GRID2: variants seen among roughly 807,000 people sequenced by gnomAD.
The protein encoded by GRID2 is glutamate receptor ionotropic, delta-2.
Under a neutral mutation model 114.8 loss-of-function variants are expected in GRID2, and 33 were observed. The ratio of observed to expected loss-of-function variants is 0.29; its 90% CI spans 0.22 to 0.38. The LOEUF (loss-of-function observed/expected upper bound fraction) is 0.38. Among genes scored for constraint, GRID2 ranks in the 10% least tolerant of loss-of-function variants. The probability of loss-of-function intolerance (pLI) is 1.00; values close to 1 mark genes in which losing one functional copy is unlikely to be tolerated. For missense variants in GRID2, 1,184 were observed against 1,257.7 expected (o/e 0.94, Z 0.89); for synonymous variants, 505 against 449.9 (o/e 1.12, Z -1.55).
rs1263548998 is a variant in GRID2 at position 93,680,517 on chromosome 4, CA to C, written c.2360+54087del. 1.3e-5 allele frequency among the ~76,000 whole-genome samples: 2 copies of C among 150,130 alleles called. 1 individual carries two copies. Among genetic ancestry groups the C allele is most frequent in the Non-Finnish European group, 3.0e-5 (2 of 67,662 alleles). On this transcript the variant is annotated intron_variant, in intron 14 of 15. Transcript: ENST00000282020. ...CCAATATCCTTGATGAACATTGATG[CA>C]AAAATCCTCAATAAAATACTGGCAA... is the stretch of plus-strand genomic sequence containing the variant.
intron 1 of GRID2, among the ~76,000 whole-genome samples, chr4:92,405,173 C>G (rs981254072): frequency 1.8e-4 from 27 of 152,136 alleles, no homozygotes; most frequent in African/African-American, 6.5e-4. Context: ...AGCAATTCGA[C>G]TTTGGTCTAG....
At chr4:92,555,968 C>T (rs887952779) in intron 1 of GRID2, among the ~76,000 whole-genome samples, 1 of 152,222 alleles carries the variant, frequency 6.6e-6, no homozygotes, top group East Asian at 1.9e-4. Context: ...TATACCTTTT[C>T]CCTGCCTCCT....
At chr4:92,461,213 T>A (rs772251569) in intron 1 of GRID2, among the ~76,000 whole-genome samples, 6 of 151,948 alleles carry the variant, frequency 3.9e-5, no homozygotes, top group Non-Finnish European at 7.4e-5. Flanking sequence ...CTTGTCAACT[T>A]TTATCGTAGG....
chr4:92,943,198 C>T (rs1266332668), intron 2 of GRID2, among the ~76,000 whole-genome samples: 2 of 152,174 alleles, frequency 1.3e-5, no homozygotes, highest in Non-Finnish European at 1.5e-5. Context: ...CTGTCACTTT[C>T]AGGTACACCA....
chr4:93,673,406 A>G (rs1289590211), intron 14 of GRID2, among the ~76,000 whole-genome samples: 6 of 152,230 alleles, frequency 3.9e-5, no homozygotes, highest in Non-Finnish European at 7.3e-5. Context: ...GTGCAAAATA[A>G]TGCAAAAAAG....
At chr4:93,799,901 G>A (rs1450217497) in intron 1 of GRID2, among the ~76,000 whole-genome samples, 1 of 152,142 alleles carries the variant, frequency 6.6e-6, no homozygotes, top group African/African-American at 2.4e-5. Flanking sequence ...ATAATTCTCA[G>A]TGAGACACTA....
At chr4:93,289,388 A>T (rs1753503152) in intron 8 of GRID2, among the ~76,000 whole-genome samples, 1 of 152,152 alleles carries the variant, frequency 6.6e-6, no homozygotes, top group Admixed American at 6.5e-5. Context: ...TACATCATAA[A>T]GCTGTTTATT....
chr4:93,178,011 TTCTC>T (rs929413404), intron 4 of GRID2, among the ~76,000 whole-genome samples: 3 of 152,178 alleles, frequency 2.0e-5, no homozygotes, highest in South Asian at 2.1e-4. Context: ...TACCTTTAAT[TTCTC>T]TCTCTTTGCT....
chr4:92,642,393 T>C (rs2149254491), intron 2 of GRID2, among the ~76,000 whole-genome samples: 1 of 152,050 alleles, frequency 6.6e-6, no homozygotes, highest in Non-Finnish European at 1.5e-5. Context: ...TAATTCGTGA[T>C]GATAAGCATT....
At chr4:92,711,527 A>G (rs941849545) in intron 2 of GRID2, among the ~76,000 whole-genome samples, 5 of 152,200 alleles carry the variant, frequency 3.3e-5, no homozygotes, top group Admixed American at 6.5e-5. Context: ...CATTTCTGCA[A>G]TAGAGTAACT....
At chr4:92,319,563 A>G (rs961660262) in intron 1 of GRID2, among the ~76,000 whole-genome samples, 1 of 152,230 alleles carries the variant, frequency 6.6e-6, no homozygotes, top group Non-Finnish European at 1.5e-5. Context: ...TAGGTTCTCA[A>G]CGCTGCCAGA....
At position 93,769,287 on chromosome 4, in the gene GRID2, T is replaced by C. The variant is rs1175148182; in HGVS notation, c.2438T>C (p.Leu813Pro). ...TGGCCTAAGAATGGCCAGTGTGACC[T>C]GTACTCGTCAGTGGACACAAAGCAG... ...KWWPKNGQCD[L>P]YSSVDTKQKG... The change falls in exon 15 of 16, where the codon CTG becomes CCG. Residue 813 changes from leucine (L) to proline (P), a missense_variant. Coordinates refer to ENST00000282020, the MANE Select transcript of GRID2 (RefSeq NM_001510.4). 6.2e-7 allele frequency: 1 copy of C among 1,614,074 alleles called. No homozygotes were observed. The highest frequency in any genetic ancestry group is 1.1e-5 in the South Asian group (1 of 91,082).
chr4:92,941,142 G>A (rs181340511), intron 2 of GRID2, among the ~76,000 whole-genome samples: 112 of 152,270 alleles, frequency 7.4e-4, no homozygotes, highest in Non-Finnish European at 1.3e-3. Context: ...CAGAAGGAAT[G>A]GTACCAGCTC....
chr4:93,019,857 A>G (rs1016041634), intron 2 of GRID2, among the ~76,000 whole-genome samples: 32 of 152,188 alleles, frequency 2.1e-4, no homozygotes, highest in African/African-American at 7.5e-4. Context: ...CATGTACCTC[A>G]TGTACAGCCA....
chr4:93,155,606 C>T lies in GRID2; in HGVS notation c.735+44653C>T, dbSNP rs143398674. 4.9e-3 allele frequency among the ~76,000 whole-genome samples: 749 copies of T among 151,972 alleles called. 5 individuals are homozygous for T. The highest frequency in any genetic ancestry group is 8.2e-3 in the Non-Finnish European group (555 of 67,914). ...AGTTTATCCAGGTTATCTAATAGTC[C>T]AGTAAGATGACGTAAGAATTAGCAT... On this transcript the variant is annotated intron_variant, in intron 4 of 15. Transcript: ENST00000282020.
chr4:92,382,196 G>C (rs1369993184), intron 1 of GRID2, among the ~76,000 whole-genome samples: 1 of 151,610 alleles, frequency 6.6e-6, no homozygotes, highest in Non-Finnish European at 1.5e-5. Flanking sequence ...ATAAAATTAT[G>C]TGTTCTCTTA....
intron 1 of GRID2, among the ~76,000 whole-genome samples, chr4:92,545,254 G>T (rs1025887403): frequency 5.3e-5 from 8 of 152,064 alleles, no homozygotes; most frequent in Non-Finnish European, 8.8e-5. Flanking sequence ...AGGAAATGAG[G>T]ACTATTGCTG....
At chr4:92,784,934 A>G (rs528356696) in intron 2 of GRID2, among the ~76,000 whole-genome samples, 2 of 151,960 alleles carry the variant, frequency 1.3e-5, no homozygotes, top group African/African-American at 2.4e-5. Flanking sequence ...TATGGGTATG[A>G]ATTATGTGGT....
At chr4:92,843,747 C>T (rs570728477) in intron 2 of GRID2, among the ~76,000 whole-genome samples, 1 of 152,016 alleles carries the variant, frequency 6.6e-6, no homozygotes, top group Admixed American at 6.6e-5. Flanking sequence ...TTTACAATAA[C>T]CTTCAAATAT....
Sources: gnomAD v4.1 joint callset for allele counts (sites outside exome capture counted in the v4.1 genomes callset) on GRCh38, gnomAD v4.1.1 for gene constraint, MANE v1.5 for transcripts, NCBI Gene and HGNC (gene_info 2026-07-23, HGNC 2026-07-21) for gene names.